Variants in DLGAP2 observed in about 807,000 individuals in gnomAD.
DLGAP2 encodes the protein DLG associated protein 2, also known as disks large-associated protein 2.
In DLGAP2, 26 loss-of-function variants were observed where a neutral mutation model predicts 100.3. That is an observed-to-expected ratio of 0.26 (90% CI 0.19 to 0.36). The LOEUF (loss-of-function observed/expected upper bound fraction) is 0.36, where lower values mean the gene tolerates loss of function less well. DLGAP2 is among the 10% of genes least tolerant of loss of function. The pLI is 1.00. For missense variants in DLGAP2, 1,858 were observed against 1,453.2 expected, an observed-to-expected ratio of 1.28 and a Z score of -4.53; for synonymous variants, 886 against 630.1, an observed-to-expected ratio of 1.41 and a Z score of -6.08.
At chr8:1,167,336 C>T (rs1797036213) in intron 2 of DLGAP2, among the ~76,000 whole-genome samples, 1 of 152,184 alleles carries the variant, frequency 6.6e-6, no homozygotes, top group Non-Finnish European at 1.5e-5. Context: ...GTCCAGTACA[C>T]ACTGCAGGGC....
At chr8:1,268,896 G>A (rs566705255) in intron 3 of DLGAP2, among the ~76,000 whole-genome samples, 6 of 152,268 alleles carry the variant, frequency 3.9e-5, no homozygotes, top group South Asian at 2.1e-4. Context: ...AGGCTAAGTC[G>A]GCTTTGTGGC....
At chr8:1,617,540 T>C (rs1192187608) in intron 6 of DLGAP2, among the ~76,000 whole-genome samples, 2 of 152,276 alleles carry the variant, frequency 1.3e-5, no homozygotes, top group East Asian at 3.8e-4. Context: ...GAAAAGTGTC[T>C]GTTCATGTTC....
At chr8:818,263 G>A (rs1796522167) in intron 1 of DLGAP2, among the ~76,000 whole-genome samples, 1 of 152,130 alleles carries the variant, frequency 6.6e-6, no homozygotes, top group Non-Finnish European at 1.5e-5. Context: ...AGTCACACAG[G>A]TCGCTAGGGA....
intron 6 of DLGAP2, among the ~76,000 whole-genome samples, chr8:1,595,131 C>A (rs993874900): frequency 3.9e-5 from 6 of 152,062 alleles, no homozygotes; most frequent in African/African-American, 1.4e-4. Flanking sequence ...GCCTCAACCT[C>A]CCGGGTGCAA....
chr8:1,480,464 A>G (rs148478805), intron 3 of DLGAP2, among the ~76,000 whole-genome samples: 4 of 152,318 alleles, frequency 2.6e-5, no homozygotes, highest in Non-Finnish European at 4.4e-5. Context: ...CCAGAAATAC[A>G]GCATTGAAGC....
At chr8:1,092,003 A>G (rs1384911626) in intron 2 of DLGAP2, among the ~76,000 whole-genome samples, 3 of 152,064 alleles carry the variant, frequency 2.0e-5, no homozygotes, top group Non-Finnish European at 4.4e-5. Flanking sequence ...TTCAGTAGTG[A>G]CAATGGAACA....
chr8:1,306,450 G>A (rs1359190965), intron 3 of DLGAP2, among the ~76,000 whole-genome samples: 3 of 152,064 alleles, frequency 2.0e-5, no homozygotes, highest in Admixed American at 1.3e-4. Context: ...ACTAATGAAC[G>A]GAAAGACATC....
intron 2 of DLGAP2, among the ~76,000 whole-genome samples, chr8:921,321 G>A (rs1783158434): frequency 6.6e-6 from 1 of 152,102 alleles, no homozygotes; most frequent in Non-Finnish European, 1.5e-5. Flanking sequence ...TGTTGAGTGT[G>A]GATGCGTGTC....
chr8:1,676,185 C>A (rs1798806803), intron 10 of DLGAP2, among the ~76,000 whole-genome samples: 1 of 152,200 alleles, frequency 6.6e-6, no homozygotes, highest in Non-Finnish European at 1.5e-5. Context: ...GCTGTACTTT[C>A]TTCACCATAG....
intron 1 of DLGAP2, among the ~76,000 whole-genome samples, chr8:801,566 G>T (rs1319163539): frequency 2.6e-5 from 4 of 152,142 alleles, no homozygotes; most frequent in African/African-American, 9.7e-5. Context: ...CCTTAGCCCT[G>T]GGTCTTTCCT....
chr8:1,482,148 G>A (rs1414038799), intron 3 of DLGAP2, among the ~76,000 whole-genome samples: 3 of 152,262 alleles, frequency 2.0e-5, no homozygotes, highest in East Asian at 1.9e-4. Context: ...GGTCTGGGAG[G>A]AATCACACAG....
intron 6 of DLGAP2, among the ~76,000 whole-genome samples, chr8:1,607,861 A>G (rs1796856986): frequency 6.6e-6 from 1 of 150,752 alleles, no homozygotes; most frequent in Non-Finnish European, 1.5e-5. Context: ...CCACGAGACT[A>G]TATCCCACAC....
At chr8:1,524,792 T>G (rs570043314) in intron 4 of DLGAP2, among the ~76,000 whole-genome samples, 6 of 152,274 alleles carry the variant, frequency 3.9e-5, no homozygotes, top group African/African-American at 1.4e-4. Flanking sequence ...ACCTGGGCTT[T>G]CTGTGAACAT....
intron 3 of DLGAP2, among the ~76,000 whole-genome samples, chr8:1,432,130 T>C (rs916636821): frequency 2.0e-5 from 3 of 152,208 alleles, no homozygotes; most frequent in Admixed American, 6.5e-5. Context: ...TGGCGTTTGA[T>C]CATTCGGGGC....
intron 2 of DLGAP2, among the ~76,000 whole-genome samples, chr8:1,073,177 C>T (rs1316235270): frequency 6.6e-6 from 1 of 152,138 alleles, no homozygotes; most frequent in Non-Finnish European, 1.5e-5. Flanking sequence ...ATCATTTATT[C>T]AATAGAAATG....
In DLGAP2 at chr8:1,155,384, G is replaced by C. The variant is rs976548297; in HGVS notation, c.74-103467G>C. Among the ~76,000 whole-genome samples the C allele has an allele frequency of 7.2e-5, 11 of 152,300 alleles. No individual in the cohort carries two copies. The East Asian group carries it at 1.9e-3, about 27-fold the overall frequency. ...TGGGGGGTCTCCCCGGATGGTCTCC[G>C]AGTGGAGCTCTTGCCAGGGGGCTGC... On this transcript the variant is annotated intron_variant, in intron 2 of 14. Transcript: ENST00000637795.
intron 2 of DLGAP2, among the ~76,000 whole-genome samples, chr8:959,039 G>A (rs570716416): frequency 9.8e-5 from 15 of 152,318 alleles, no homozygotes; most frequent in South Asian, 6.2e-4. Flanking sequence ...AGAAGGGCAT[G>A]CTATGATAAT....
At chr8:1,210,375 C>T (rs1283894989) in intron 2 of DLGAP2, among the ~76,000 whole-genome samples, 1 of 152,166 alleles carries the variant, frequency 6.6e-6, no homozygotes, top group Non-Finnish European at 1.5e-5. Context: ...AAACTGGATG[C>T]AGCCTGCAGC....
intron 2 of DLGAP2, among the ~76,000 whole-genome samples, chr8:1,183,427 A>T (rs1797433299): frequency 6.6e-6 from 1 of 152,236 alleles, no homozygotes; most frequent in South Asian, 2.1e-4. Flanking sequence ...TGATCTAGTT[A>T]GTTGACATTA....
Sources: allele counts gnomAD v4.1 joint callset (sites outside exome capture counted in the v4.1 genomes callset), GRCh38; gene constraint gnomAD v4.1.1; transcripts MANE v1.5; gene names NCBI Gene and HGNC (gene_info 2026-07-23, HGNC 2026-07-21).